The following SEMA5A variants were observed in gnomAD, a reference collection of about 807,000 sequenced individuals.
SEMA5A encodes semaphorin-5A.
Under a neutral mutation model 135.5 loss-of-function variants are expected in SEMA5A, and 55 were observed. That is an observed-to-expected ratio of 0.41 (90% confidence interval 0.33 to 0.51). SEMA5A has a LOEUF of 0.51. Among genes scored for constraint, SEMA5A ranks in the 20% least tolerant of loss-of-function variants. The probability of loss-of-function intolerance (pLI) is 0.37; values close to 1 mark genes in which losing one functional copy is unlikely to be tolerated. For synonymous variants in SEMA5A, 580 were observed against 546.5 expected, an observed-to-expected ratio of 1.06 and a Z score of -0.85; for missense variants, 1,290 against 1,419.9, an observed-to-expected ratio of 0.91 and a Z score of 1.47.
At chr5:9,381,392 T>C (rs1755600674) in intron 2 of SEMA5A, among the ~76,000 whole-genome samples, 1 of 152,200 alleles carries the variant, frequency 6.6e-6, no homozygotes, top group Non-Finnish European at 1.5e-5. Flanking sequence ...ATTCCTCCCA[T>C]TGAGAGCTGG....
intron 2 of SEMA5A, among the ~76,000 whole-genome samples, chr5:9,394,869 A>T (rs898705764): frequency 6.6e-6 from 1 of 152,176 alleles, no homozygotes; most frequent in Non-Finnish European, 1.5e-5. Context: ...TTATAAATTC[A>T]ATAATGATGT....
intron 1 of SEMA5A, among the ~76,000 whole-genome samples, chr5:9,508,860 C>G (rs1186272312): frequency 1.3e-5 from 2 of 152,054 alleles, no homozygotes; most frequent in African/African-American, 4.8e-5. Flanking sequence ...ATTCTCAGTA[C>G]CTATTATAGA....
At chr5:9,297,151 T>C (rs754378152) in intron 5 of SEMA5A, among the ~76,000 whole-genome samples, 22 of 151,928 alleles carry the variant, frequency 1.4e-4, no homozygotes, top group Non-Finnish European at 2.6e-4. Flanking sequence ...AAATTCAACC[T>C]AAAAAAATAC....
At chr5:9,329,242 G>A (rs1397298970) in intron 4 of SEMA5A, among the ~76,000 whole-genome samples, 4 of 151,926 alleles carry the variant, frequency 2.6e-5, no homozygotes, top group Non-Finnish European at 4.4e-5. Flanking sequence ...TCACCCACTA[G>A]GCCAAGATCA....
intron 12 of SEMA5A, among the ~76,000 whole-genome samples, chr5:9,142,921 C>T (rs764623067): frequency 1.3e-5 from 2 of 152,140 alleles, no homozygotes; most frequent in Non-Finnish European, 2.9e-5. Context: ...CATTGCACTC[C>T]AGCCTGGGTG....
intron 3 of SEMA5A, among the ~76,000 whole-genome samples, chr5:9,353,080 A>G (rs1754207600): frequency 2.0e-5 from 1 of 50,610 alleles, no homozygotes; most frequent in Non-Finnish European, 3.8e-5. Flanking sequence ...AAAGGAAAGG[A>G]AAGGAAAGGA....
At chr5:9,417,534 G>A (rs1757322197) in intron 2 of SEMA5A, among the ~76,000 whole-genome samples, 1 of 152,160 alleles carries the variant, frequency 6.6e-6, no homozygotes. Context: ...AGGACCCAGT[G>A]ATTACTTCTA....
intron 17 of SEMA5A, among the ~76,000 whole-genome samples, chr5:9,064,166 A>G (rs1358945356): frequency 6.6e-6 from 1 of 152,224 alleles, no homozygotes; most frequent in Non-Finnish European, 1.5e-5. Context: ...TGTCTGTGAT[A>G]AATTAGTATT....
At position 9,064,076 on chromosome 5, in the gene SEMA5A, G is replaced by C. The variant is rs530139255; in HGVS notation, c.2300-971C>G. On this transcript the variant is annotated intron_variant, in intron 17 of 22. Coordinates refer to ENST00000382496, the MANE Select transcript of SEMA5A (RefSeq NM_003966.3). Reference sequence around the variant, plus strand: ...TGCCAACAGCTCTCAGTGTTGTTAAGCAACTCTGTTGTTTACTTAGAAAAT... The same window carrying C: ...TGCCAACAGCTCTCAGTGTTGTTAACCAACTCTGTTGTTTACTTAGAAAAT... Among the ~76,000 whole-genome samples the C allele has an allele frequency of 7.9e-5, 12 of 152,316 alleles. No individual in the cohort carries two copies. The South Asian group carries it at 1.2e-3, about 16-fold the overall frequency.
At position 9,057,254 on chromosome 5, in the gene SEMA5A, C is replaced by A. The variant is rs191547906; in HGVS notation, c.2519-2997G>T. On this transcript the variant is annotated intron_variant, in intron 18 of 22. Coordinates refer to ENST00000382496, the MANE Select transcript of SEMA5A (RefSeq NM_003966.3). ...AATACCGTATTGTGCACTCAAAAATCTGTTAAGTAGGTAGATTTTATGTTG... is the reference window on the plus strand; with the variant it reads ...AATACCGTATTGTGCACTCAAAAATATGTTAAGTAGGTAGATTTTATGTTG... Among the ~76,000 whole-genome samples, 533 of 152,290 alleles carry A rather than the reference C, an allele frequency of 3.5e-3. 1 individual carries two copies. Among genetic ancestry groups the A allele is most frequent in the African/African-American group, 0.012 (513 of 41,548 alleles).
intron 1 of SEMA5A, among the ~76,000 whole-genome samples, chr5:9,510,068 G>A (rs1156963076): frequency 6.6e-6 from 1 of 152,146 alleles, no homozygotes; most frequent in African/African-American, 2.4e-5. Context: ...GGGCCACGAC[G>A]GTGGAAAAAT....
chr5:9,241,604 C>A (rs1006968341), intron 5 of SEMA5A, among the ~76,000 whole-genome samples: 2 of 151,256 alleles, frequency 1.3e-5, no homozygotes, highest in African/African-American at 4.9e-5. Context: ...ATGGAAAACC[C>A]ATTTTATATC....
chr5:9,503,329 C>A (rs1304171512), intron 1 of SEMA5A, among the ~76,000 whole-genome samples: 1 of 152,112 alleles, frequency 6.6e-6, no homozygotes, highest in African/African-American at 2.4e-5. Flanking sequence ...CTAAAAGAGC[C>A]CCGAGGGCTC....
intron 1 of SEMA5A, among the ~76,000 whole-genome samples, chr5:9,442,484 C>T (rs1204605667): frequency 6.6e-6 from 1 of 152,076 alleles, no homozygotes; most frequent in African/African-American, 2.4e-5. Context: ...TACTACTGTA[C>T]CCTTTGACTG....
intron 1 of SEMA5A, chr5:9,498,434 C>A (rs1255560378): frequency 2.6e-5 from 4 of 152,118 alleles, no homozygotes; most frequent in South Asian, 2.1e-4. Flanking sequence ...TTCAGAAATA[C>A]AATTTAGAAA....
intron 16 of SEMA5A, among the ~76,000 whole-genome samples, chr5:9,068,322 C>A (rs964536603): frequency 2.6e-5 from 4 of 152,138 alleles, no homozygotes; most frequent in Non-Finnish European, 4.4e-5. Context: ...ATTTAAGAAT[C>A]TTTGTCAGAA....
chr5:9,180,118 T>C (rs149529401), intron 11 of SEMA5A, among the ~76,000 whole-genome samples: 42 of 152,314 alleles, frequency 2.8e-4, no homozygotes, highest in African/African-American at 9.9e-4. Flanking sequence ...TTTCTCATCT[T>C]ACAAGCACAC....
chr5:9,237,768 T>C (rs1747988028), intron 6 of SEMA5A, 60 bp downstream of exon 6: 1 of 1,460,478 alleles, frequency 6.8e-7, no homozygotes, highest in Non-Finnish European at 9.6e-7. Flanking sequence ...CAACATGCTT[T>C]ATATAGTGTA....
intron 1 of SEMA5A, among the ~76,000 whole-genome samples, chr5:9,494,385 A>C (rs1409043881): frequency 2.0e-5 from 3 of 152,310 alleles, no homozygotes; most frequent in Middle Eastern, 6.8e-3. Context: ...TCTGAATATA[A>C]TCTCTTTGCT....
Sources: gnomAD v4.1 joint callset for allele counts (sites outside exome capture counted in the v4.1 genomes callset) on GRCh38, gnomAD v4.1.1 for gene constraint, MANE v1.5 for transcripts, NCBI Gene and HGNC (gene_info 2026-07-23, HGNC 2026-07-21) for gene names.